The following ATRNL1 variants were observed in gnomAD, a reference collection of about 807,000 sequenced individuals.
ATRNL1 encodes attractin-like protein 1.
ATRNL1 carries 95 observed loss-of-function variants against 182.7 expected under a neutral mutation model. The ratio of observed to expected loss-of-function variants is 0.52; its 90% confidence interval spans 0.44 to 0.62. The LOEUF is 0.62. Ranked by LOEUF, ATRNL1 falls within the 20% of genes least tolerant of loss-of-function variation. The probability of loss-of-function intolerance (pLI) is 0.00; values close to 1 mark genes in which losing one functional copy is unlikely to be tolerated. For missense variants in ATRNL1, 1,471 were observed against 1,679.5 expected, an observed-to-expected ratio of 0.88 and a Z score of 2.17; for synonymous variants, 576 against 568.3, an observed-to-expected ratio of 1.01 and a Z score of -0.19.
At chr10:115,315,302 C>A (rs1021563093) in intron 17 of ATRNL1, among the ~76,000 whole-genome samples, 11 of 151,998 alleles carry the variant, frequency 7.2e-5, no homozygotes, top group African/African-American at 2.7e-4. Flanking sequence ...TTTTTTCACT[C>A]CTGTGGTGGC....
At chr10:115,546,252 A>G (rs1354033607) in intron 25 of ATRNL1, among the ~76,000 whole-genome samples, 1 of 152,210 alleles carries the variant, frequency 6.6e-6, no homozygotes, top group Admixed American at 6.5e-5. Context: ...TAAAGTGTCC[A>G]TTCTCAGTAC....
intron 26 of ATRNL1, among the ~76,000 whole-genome samples, chr10:115,600,451 TTTACTC>T (rs1198991093): frequency 6.6e-6 from 1 of 152,178 alleles, no homozygotes; most frequent in East Asian, 1.9e-4. Context: ...TTCTAGTAGT[TTTACTC>T]TAGTACCTCA....
At chr10:115,155,643 A>G (rs1278347450) in intron 5 of ATRNL1, among the ~76,000 whole-genome samples, 2 of 152,170 alleles carry the variant, frequency 1.3e-5, no homozygotes, top group African/African-American at 4.8e-5. Flanking sequence ...GATTGATTCC[A>G]TAAGTGTATA....
intron 26 of ATRNL1, among the ~76,000 whole-genome samples, chr10:115,689,472 C>A (rs1946322227): frequency 6.6e-6 from 1 of 152,142 alleles, no homozygotes; most frequent in South Asian, 2.1e-4. Context: ...TTTTCATTTT[C>A]ATTTGCTTAA....
chr10:115,103,663 A>G (rs1405216023), intron 1 of ATRNL1, among the ~76,000 whole-genome samples: 1 of 152,112 alleles, frequency 6.6e-6, no homozygotes, highest in African/African-American at 2.4e-5. Flanking sequence ...TATACTTTCT[A>G]CCCATTAACC....
At chr10:115,573,634 C>A (rs1281619406) in intron 26 of ATRNL1, among the ~76,000 whole-genome samples, 1 of 152,080 alleles carries the variant, frequency 6.6e-6, no homozygotes, top group African/African-American at 2.4e-5. Context: ...ATTTTCAGAG[C>A]AGAAGTCTCA....
In ATRNL1 at chr10:115,703,513, A is replaced by G. The variant is rs149701795; in HGVS notation, c.3796-23735A>G. Reference sequence around the variant, plus strand: ...TATGACAGTGGTTACCTCTGGAGTGATAAGCAGGGAGATAAAATAGGGAAG... The same window carrying G: ...TATGACAGTGGTTACCTCTGGAGTGGTAAGCAGGGAGATAAAATAGGGAAG... On this transcript the variant is annotated intron_variant, in intron 26 of 28. Transcript: ENST00000355044. Among the ~76,000 whole-genome samples the G allele has an allele frequency of 6.4e-3, 977 of 152,048 alleles. 11 individuals carry two copies. The highest frequency in any genetic ancestry group is 0.022 in the African/African-American group (934 of 41,544).
chr10:115,451,528 T>G (rs1319835324), intron 21 of ATRNL1, among the ~76,000 whole-genome samples: 60 of 152,026 alleles, frequency 3.9e-4, no homozygotes, highest in Admixed American at 3.9e-3. Flanking sequence ...TATCGTTGAT[T>G]GTAGAGAAAT....
chr10:115,619,228 T>C (rs1280415702), intron 26 of ATRNL1, among the ~76,000 whole-genome samples: 1 of 152,134 alleles, frequency 6.6e-6, no homozygotes, highest in Non-Finnish European at 1.5e-5. Flanking sequence ...TGGTTGCCAC[T>C]CTACTGAAGG....
intron 8 of ATRNL1, among the ~76,000 whole-genome samples, chr10:115,202,768 CCT>C (rs1451471324): frequency 2.1e-5 from 3 of 145,496 alleles, no homozygotes; most frequent in Admixed American, 1.4e-4. Flanking sequence ...GGGAGGATTC[CCT>C]CTTTTTCTAT....
chr10:115,641,174 A>G (rs1187413965), intron 26 of ATRNL1, among the ~76,000 whole-genome samples: 10 of 152,210 alleles, frequency 6.6e-5, no homozygotes, highest in African/African-American at 2.2e-4. Context: ...TATTGAAGAA[A>G]CAGCAAAACA....
chr10:115,810,746 G>T, intron 27 of ATRNL1, among the ~76,000 whole-genome samples: 1 of 151,710 alleles, frequency 6.6e-6, no homozygotes, highest in Non-Finnish European at 1.5e-5. Flanking sequence ...GATTTTCCAG[G>T]AATTTATTAT....
Position 115,559,414 on chromosome 10 carries a change from T to TTGTGTGTGTG in ATRNL1, c.3795+9899_3795+9908dup, listed in dbSNP as rs138709567. On this transcript the variant is annotated intron_variant, in intron 26 of 28. Coordinates refer to ENST00000355044, the MANE Select transcript of ATRNL1 (RefSeq NM_207303.4). ...CCTGACATACTCTCATTCTTGGTGT[T>TTGTGTGTGTG]TGTGTGTGTGTGTGTGTGTGTGTGT... is the stretch of plus-strand genomic sequence containing the variant. Among the ~76,000 whole-genome samples, 432 of 147,656 alleles carry TTGTGTGTGTG rather than the reference T, an allele frequency of 2.9e-3. 3 individuals are homozygous for TTGTGTGTGTG. The highest frequency in any genetic ancestry group is 8.9e-3 in the African/African-American group (361 of 40,386).
chr10:115,314,490 C>A (rs782597324), intron 17 of ATRNL1, among the ~76,000 whole-genome samples: 1 of 152,106 alleles, frequency 6.6e-6, no homozygotes, highest in Non-Finnish European at 1.5e-5. Flanking sequence ...ACCATTTTTT[C>A]TTCCATTGTT....
chr10:115,113,812 C>T (rs1274479878), intron 1 of ATRNL1, among the ~76,000 whole-genome samples: 1 of 152,116 alleles, frequency 6.6e-6, no homozygotes, highest in Admixed American at 6.6e-5. Flanking sequence ...TCTAAGGGCA[C>T]CTATTTTTCT....
intron 28 of ATRNL1, among the ~76,000 whole-genome samples, chr10:115,900,574 C>A (rs1186952596): frequency 2.0e-5 from 3 of 151,544 alleles, no homozygotes; most frequent in Non-Finnish European, 4.4e-5. Context: ...TGTATTAATG[C>A]AGCTAATTTC....
chr10:115,301,765 A>G (rs149697153), intron 16 of ATRNL1, 90 bp from the exon 17 acceptor site: 10 of 1,118,542 alleles, frequency 8.9e-6, no homozygotes, highest in African/African-American at 1.6e-5. Flanking sequence ...TAATTGAAAC[A>G]TGCCCTGAAC....
At chr10:115,158,906 A>G (rs1409374056) in intron 5 of ATRNL1, among the ~76,000 whole-genome samples, 2 of 151,864 alleles carry the variant, frequency 1.3e-5, no homozygotes, top group Non-Finnish European at 2.9e-5. Flanking sequence ...CAATACAACT[A>G]AAGTGTACTA....
chr10:115,916,876 T>G (rs964787989), intron 28 of ATRNL1, among the ~76,000 whole-genome samples: 7 of 152,258 alleles, frequency 4.6e-5, no homozygotes, highest in African/African-American at 1.7e-4. Flanking sequence ...TTCCAACACC[T>G]CCCTGTTCCT....
Sources: allele counts gnomAD v4.1 joint callset (sites outside exome capture counted in the v4.1 genomes callset), GRCh38; gene constraint gnomAD v4.1.1; transcripts MANE v1.5; gene names NCBI Gene and HGNC (gene_info 2026-07-23, HGNC 2026-07-21).